The following C11orf65 variants were observed in gnomAD, a reference collection of about 807,000 sequenced individuals.
The protein encoded by C11orf65 is protein MFI.
In C11orf65, 38 loss-of-function variants were observed where a neutral mutation model predicts 35.3. The ratio of observed to expected loss-of-function variants is 1.08; its 90% confidence interval spans 0.83 to 1.41. The LOEUF (loss-of-function observed/expected upper bound fraction) is 1.41. Ranked by LOEUF, C11orf65 falls within the 40% of genes most tolerant of loss-of-function variation. The pLI, the probability that C11orf65 is intolerant of heterozygous loss-of-function variation, is 0.00. For missense variants in C11orf65, 370 were observed against 367.1 expected (o/e 1.01, Z -0.06); for synonymous variants, 105 against 114.4 (o/e 0.92, Z 0.53).
chr11:108,450,843 C>T (rs1335783625), intron 2 of C11orf65, among the ~76,000 whole-genome samples: 1 of 151,806 alleles, frequency 6.6e-6, no homozygotes, highest in Non-Finnish European at 1.5e-5. Context: ...GGATGCAAGG[C>T]TGGTTCAACG....
downstream of C11orf65, chr11:108,329,095 CT>C (rs2136414843): frequency 1.2e-6 from 2 of 1,614,102 alleles, no homozygotes; most frequent in Non-Finnish European, 1.7e-6. Context: ...AGGCATTTCT[CT>C]CATTAGCCCG....
At chr11:108,442,014 T>C (rs975261067) in intron 2 of C11orf65, among the ~76,000 whole-genome samples, 7 of 152,050 alleles carry the variant, frequency 4.6e-5, no homozygotes, top group Admixed American at 2.0e-4. Context: ...TGATCAGTAA[T>C]AACAAACTTC....
intron 2 of C11orf65, among the ~76,000 whole-genome samples, chr11:108,448,046 A>C (rs1246274318): frequency 1.3e-5 from 2 of 152,186 alleles, no homozygotes; most frequent in East Asian, 3.9e-4. Flanking sequence ...GAAATGGATA[A>C]ATTCCTTGAC....
At chr11:108,452,507 C>T in intron 2 of C11orf65, among the ~76,000 whole-genome samples, 1 of 152,138 alleles carries the variant, frequency 6.6e-6, no homozygotes, top group Non-Finnish European at 1.5e-5. Context: ...ACAACAGGTG[C>T]TGGAGAGGAT....
At chr11:108,350,524 T>C (rs1224664763) in intron 2 of C11orf65, among the ~76,000 whole-genome samples, 1 of 152,144 alleles carries the variant, frequency 6.6e-6, no homozygotes, top group Non-Finnish European at 1.5e-5. Context: ...TAGAATGAAA[T>C]TGAATTCCAT....
intron 6 of C11orf65, chr11:108,321,163 GTA>G (rs761148733): frequency 1.8e-6 from 2 of 1,130,850 alleles, no homozygotes; most frequent in Non-Finnish European, 2.5e-6. Flanking sequence ...CTGCTATTTT[GTA>G]TTCACTGTTG....
Position 108,466,352 on chromosome 11 carries a change from T to G in C11orf65, c.-10+1119A>C, listed in dbSNP as rs1256926078. ...ATTTTGGGAGGCCAAGGTGGGCAGA[T>G]CACCTTAAGTCAGGGGTTTGAGACC... On this transcript the variant is annotated intron_variant, in intron 1 of 8. Transcript: ENST00000393084. Among the ~76,000 whole-genome samples, 3 of 152,162 alleles carry G rather than the reference T, an allele frequency of 2.0e-5. No homozygotes were observed. The East Asian group carries it at 5.8e-4, about 29-fold the overall frequency.
intron 6 of C11orf65, among the ~76,000 whole-genome samples, chr11:108,314,399 C>G (rs992932601): frequency 2.0e-5 from 3 of 152,056 alleles, no homozygotes; most frequent in Non-Finnish European, 2.9e-5. Flanking sequence ...AGCCACTGCA[C>G]CCAGCCCATG....
chr11:108,328,236 G>A (rs1046876115), downstream of C11orf65, among the ~76,000 whole-genome samples: 15 of 151,958 alleles, frequency 9.9e-5, no homozygotes, highest in African/African-American at 2.9e-4. Flanking sequence ...CACATGATGC[G>A]ATTGTCTTTC....
Position 108,421,340 on chromosome 11 carries a change from G to A in C11orf65, c.174+10406C>T, listed in dbSNP as rs188350088. 6.5e-4 allele frequency among the ~76,000 whole-genome samples: 99 copies of A among 152,198 alleles called. 1 individual carries two copies. Among genetic ancestry groups the A allele is most frequent in the Non-Finnish European group, 1.1e-3 (77 of 68,014 alleles). On this transcript the variant is annotated intron_variant, in intron 3 of 8. Transcript: ENST00000393084. ...AAGGGAAACTCTGTGCAGGTTCCTCGGGGAACTGCCAGACAAATCAAAATA... is the reference window on the plus strand; with the variant it reads ...AAGGGAAACTCTGTGCAGGTTCCTCAGGGAACTGCCAGACAAATCAAAATA...
At chr11:108,346,220 C>A (rs190030348) in intron 2 of C11orf65, among the ~76,000 whole-genome samples, 4 of 151,976 alleles carry the variant, frequency 2.6e-5, no homozygotes, top group African/African-American at 4.8e-5. Flanking sequence ...TTTTCTGAGA[C>A]TTTCTTTGGA....
intron 2 of C11orf65, among the ~76,000 whole-genome samples, chr11:108,436,762 A>C (rs978019283): frequency 6.6e-6 from 1 of 152,210 alleles, no homozygotes; most frequent in Non-Finnish European, 1.5e-5. Flanking sequence ...AAACGGTAAC[A>C]CTATTTATTG....
chr11:108,369,708 T>C (rs571741694), intron 2 of C11orf65, among the ~76,000 whole-genome samples: 25 of 152,324 alleles, frequency 1.6e-4, no homozygotes, highest in African/African-American at 5.5e-4. Context: ...TGTAGAAATA[T>C]ATACTTTCAT....
intron 8 of C11orf65, among the ~76,000 whole-genome samples, chr11:108,383,524 G>T (rs1345213137): frequency 3.9e-5 from 6 of 152,202 alleles, no homozygotes; most frequent in African/African-American, 9.7e-5. Flanking sequence ...AGAGTTAAAT[G>T]TGACAGTGCA....
chr11:108,369,697 A>G (rs952059807), intron 2 of C11orf65, among the ~76,000 whole-genome samples: 1 of 152,214 alleles, frequency 6.6e-6, no homozygotes, highest in African/African-American at 2.4e-5. Context: ...GTACAACAGT[A>G]TGTAGAAATA....
chr11:108,321,531 C>T, intron 6 of C11orf65: 1 of 1,506,684 alleles, frequency 6.6e-7, no homozygotes, highest in East Asian at 2.3e-5. Flanking sequence ...GCCTGTAATC[C>T]TAGCACTTTA....
intron 2 of C11orf65, among the ~76,000 whole-genome samples, chr11:108,362,195 A>G (rs1219552676): frequency 1.4e-5 from 2 of 146,068 alleles, no homozygotes; most frequent in Admixed American, 6.9e-5. Context: ...AACACATGAA[A>G]AAATGCTCAT....
At chr11:108,345,968 G>C (rs1476557809) in intron 2 of C11orf65, 12 of 1,592,438 alleles carry the variant, frequency 7.5e-6, no homozygotes, top group Non-Finnish European at 9.5e-6. Flanking sequence ...TTTTATTTTT[G>C]TTTGATTCAG....
At chr11:108,362,828 T>C (rs1231358190) in intron 2 of C11orf65, among the ~76,000 whole-genome samples, 18 of 145,620 alleles carry the variant, frequency 1.2e-4, no homozygotes, top group Admixed American at 1.1e-3. Context: ...AGGGATAGCA[T>C]TGGGAGATAT....
Sources: allele counts gnomAD v4.1 joint callset (sites outside exome capture counted in the v4.1 genomes callset), GRCh38; gene constraint gnomAD v4.1.1; transcripts MANE v1.5; gene names NCBI Gene and HGNC (gene_info 2026-07-23, HGNC 2026-07-21).